The following IFT140 variants were observed in gnomAD, a reference collection of about 807,000 sequenced individuals.
IFT140 encodes the protein intraflagellar transport 140, also known as intraflagellar transport protein 140 homolog.
Under a neutral mutation model 164.6 loss-of-function variants are expected in IFT140, and 133 were observed. The observed-to-expected ratio is 0.81, with a 90% CI of 0.70 to 0.93. The LOEUF (loss-of-function observed/expected upper bound fraction) is 0.93. Among genes scored for constraint, IFT140 ranks in the 40% least tolerant of loss-of-function variants. The pLI is 0.00. For missense variants in IFT140, 2,045 were observed against 1,972.3 expected, an observed-to-expected ratio of 1.04 and a Z score of -0.70; for synonymous variants, 860 against 817.3, an observed-to-expected ratio of 1.05 and a Z score of -0.89.
intron 13 of IFT140, among the ~76,000 whole-genome samples, chr16:1,576,437 A>C (rs1445300408): frequency 6.8e-6 from 1 of 147,346 alleles, no homozygotes; most frequent in African/African-American, 2.5e-5. Flanking sequence ...TAAAAATACA[A>C]AAAAAATAGC....
rs1010441534 is a variant in IFT140, at chr16:1,568,276, C to G, written c.1711G>C (p.Gly571Arg). The change falls in exon 15 of 31, where the codon GGC becomes CGC. Residue 571 changes from glycine (G) to arginine (R), a missense_variant. Transcript: ENST00000426508. ...CTGCTGCACCGCAGAGAAGCGATGCCCCCCACCCCAGGGACCAGCTCCGCC... is the reference window on the plus strand; with the variant it reads ...CTGCTGCACCGCAGAGAAGCGATGCGCCCCACCCCAGGGACCAGCTCCGCC... ...SLAELVPGVG[G>R]IASLRCSSSG... is the part of the protein sequence containing the mutation. 6.2e-7 allele frequency: 1 copy of G among 1,613,476 alleles called. No individual in the cohort carries two copies. The highest frequency in any genetic ancestry group is 8.5e-7 in the Non-Finnish European group (1 of 1,179,926).
rs2030773318 is a variant in IFT140 at position 1,533,882 on chromosome 16, C to T, written c.2400-7086G>A. 1.4e-5 allele frequency: 4 copies of T among 283,776 alleles called. No individual in the cohort carries two copies. Among genetic ancestry groups the T allele is most frequent in the Non-Finnish European group, 2.0e-5 (3 of 149,408 alleles). 17.6% of individuals were successfully genotyped at this position (283,776 alleles called of 1,614,324 possible). On this transcript the variant is annotated intron_variant, in intron 19 of 30. Coordinates refer to ENST00000426508, the MANE Select transcript of IFT140 (RefSeq NM_014714.4). This position sits in a 1 kb window ranked among gnomAD's most constrained non-coding sequence, Gnocchi z 4.7. ...GGTGCTAAGGAGTGTGGCGCGGGCT[C>T]GACTCCCACTGCTGCCGGCCTCCCG...
intron 4 of IFT140, 200 bp downstream of exon 4, chr16:1,602,170 A>C (rs183716436): frequency 4.2e-4 from 251 of 592,264 alleles, no homozygotes; most frequent in Admixed American, 7.4e-4. Flanking sequence ...GTTCATTTAT[A>C]AAGGTGCAGA....
chr16:1,585,541 T>A (rs950361781), intron 10 of IFT140, among the ~76,000 whole-genome samples: 1 of 152,082 alleles, frequency 6.6e-6, no homozygotes, highest in Non-Finnish European at 1.5e-5. Context: ...ATATCATGAG[T>A]TATATCTCAG....
intron 9 of IFT140, among the ~76,000 whole-genome samples, 158 bp downstream of exon 9, chr16:1,587,040 C>T (rs368621828): frequency 1.6e-4 from 24 of 152,300 alleles, no homozygotes; most frequent in African/African-American, 4.8e-4. Context: ...AAAGCTCTGC[C>T]GTTGCTTGCT....
In IFT140 at chr16:1,531,400, G is replaced by A. The variant is rs1323043685; in HGVS notation, c.2400-4604C>T. The A allele has an allele frequency of 1.3e-5, 2 of 152,316 alleles. No individual in the cohort carries two copies. The highest frequency in any genetic ancestry group is 2.9e-5 in the Non-Finnish European group (2 of 68,072). 9.4% of individuals were successfully genotyped at this position (152,316 alleles called of 1,614,324 possible). ...CAGCGGCTTGACGATCATGCTTGCC[G>A]AGGCCGCCCCCTCCCTCCGTGTCCC... On this transcript the variant is annotated intron_variant, in intron 19 of 30. Coordinates refer to ENST00000426508, the MANE Select transcript of IFT140 (RefSeq NM_014714.4). The surrounding 1 kb of genome is among the most constrained non-coding windows in gnomAD (Gnocchi z 4.7).
intron 19 of IFT140, chr16:1,534,556 G>GT (rs1269737372): frequency 1.9e-6 from 3 of 1,602,118 alleles, no homozygotes; most frequent in Non-Finnish European, 2.5e-6. Flanking sequence ...ACCGTCAAAC[G>GT]TAAGTCCAAT....
Position 1,526,076 on chromosome 16 carries a change from T to C in IFT140, c.2579A>G (p.Glu860Gly). The C allele has an allele frequency of 6.3e-7, 1 of 1,580,720 alleles. No individual in the cohort carries two copies. ...AVLATQLGML[E>G]DAEQLYRKCK... ...CTTCCTGTACAGCTGCTCGGCGTCCTCCTGAGGAATGAGGATGGGCAGGTG... is the reference window on the plus strand; with the variant it reads ...CTTCCTGTACAGCTGCTCGGCGTCCCCCTGAGGAATGAGGATGGGCAGGTG... The change falls in exon 21 of 31, where the codon GAG (glutamate) becomes GGG (glycine). Residue 860 changes from glutamate to glycine, a missense_variant and splice_region_variant. Transcript: ENST00000426508.
chr16:1,521,778 T>A (rs2141154111), intron 26 of IFT140, among the ~76,000 whole-genome samples: 1 of 150,458 alleles, frequency 6.6e-6, no homozygotes, highest in East Asian at 2.0e-4. Context: ...TCCAGCACTT[T>A]GGGAGGCCAA....
At chr16:1,528,327 G>A (rs909547807) in intron 19 of IFT140, among the ~76,000 whole-genome samples, 25 of 118,626 alleles carry the variant, frequency 2.1e-4, no homozygotes, top group African/African-American at 9.2e-4. Flanking sequence ...ACGCATGCAC[G>A]CACGTGTGCA....
rs1567331532 is a variant in IFT140 at position 1,526,669 on chromosome 16, G to T, written c.2527C>A (p.Pro843Thr). Residue 843 changes from proline (P) to threonine (T), a missense_variant, in exon 20 of 31, where the codon CCG becomes ACG. Pro to Thr is a conservative substitution (Grantham distance 38). Coordinates refer to ENST00000426508, the MANE Select transcript of IFT140 (RefSeq NM_014714.4). Reference protein sequence around the residue: ...ARALREAEQEPELEARVAVLA... With the variant: ...ARALREAEQETELEARVAVLA... The stretch of plus-strand genomic sequence containing the variant: ...ACGGCCACGCGGGCCTCTAGCTCCG[G>T]CTCCTGCTCCGCCTCACGCAGCGCT... 6.3e-7 allele frequency: 1 copy of T among 1,598,390 alleles called. No homozygotes were observed. The highest frequency in any genetic ancestry group is 1.3e-5 in the African/African-American group (1 of 74,874).
chr16:1,604,779 G>A (rs2035976918), intron 3 of IFT140, among the ~76,000 whole-genome samples: 1 of 152,090 alleles, frequency 6.6e-6, no homozygotes, highest in Non-Finnish European at 1.5e-5. Context: ...GAGGTTCCGG[G>A]GGAGAAACTG....
chr16:1,536,134 C>T (rs1415173673), intron 19 of IFT140, among the ~76,000 whole-genome samples: 1 of 152,244 alleles, frequency 6.6e-6, no homozygotes, highest in Non-Finnish European at 1.5e-5. Context: ...GGCCGCAGCT[C>T]TGCACCTCCA....
chr16:1,539,777 C>A (rs564769912), intron 19 of IFT140, among the ~76,000 whole-genome samples: 1 of 152,354 alleles, frequency 6.6e-6, no homozygotes, highest in East Asian at 1.9e-4. Flanking sequence ...TGTCTGCGGG[C>A]AGGCAGCGTG....
chr16:1,539,449 C>T (rs567565884), intron 19 of IFT140, among the ~76,000 whole-genome samples: 1 of 152,398 alleles, frequency 6.6e-6, no homozygotes, highest in South Asian at 2.1e-4. Context: ...CTGCCCCTTC[C>T]TCCAAGCACT....
At chr16:1,578,619 C>T (rs571990031) in intron 13 of IFT140, among the ~76,000 whole-genome samples, 4 of 151,530 alleles carry the variant, frequency 2.6e-5, no homozygotes, top group South Asian at 2.1e-4. Flanking sequence ...TGGTGGCTCA[C>T]GCCTGTAATC....
intron 19 of IFT140, chr16:1,532,369 C>T (rs1226802196): frequency 6.6e-6 from 1 of 152,352 alleles, no homozygotes; most frequent in Non-Finnish European, 1.5e-5. Flanking sequence ...TGGAGAAACG[C>T]TTCTCAGGAC....
intron 18 of IFT140, among the ~76,000 whole-genome samples, chr16:1,560,519 C>G (rs1328601192): frequency 2.0e-5 from 3 of 152,234 alleles, no homozygotes; most frequent in Non-Finnish European, 4.4e-5. Flanking sequence ...GTCCTTTATG[C>G]CAGGTCCTAT....
chr16:1,544,435 T>A (rs1280367187), intron 19 of IFT140, among the ~76,000 whole-genome samples: 2 of 151,938 alleles, frequency 1.3e-5, no homozygotes, highest in South Asian at 2.1e-4. Context: ...TCCGCCCACC[T>A]TGGCCTCCCA....
Sources: allele counts gnomAD v4.1 joint callset (sites outside exome capture counted in the v4.1 genomes callset), GRCh38; gene constraint gnomAD v4.1.1; non-coding constraint Gnocchi (gnomAD v3.1); transcripts MANE v1.5; gene names NCBI Gene and HGNC (gene_info 2026-07-23, HGNC 2026-07-21).